Variants in ABCC12 observed in about 807,000 individuals in gnomAD.
ABCC12 encodes the protein ATP-binding cassette sub-family C member 12.
A neutral mutation model predicts 151.1 loss-of-function variants in ABCC12; 142 were observed. That is an observed-to-expected ratio of 0.94 (90% CI 0.82 to 1.08). ABCC12 has a LOEUF of 1.08. Among genes scored for constraint, ABCC12 ranks in the 50% least tolerant of loss-of-function variants. The probability of loss-of-function intolerance (pLI) is 0.00; values close to 1 mark genes in which losing one functional copy is unlikely to be tolerated. For synonymous variants in ABCC12, 645 were observed against 646.4 expected (o/e 1.00, Z 0.03); for missense variants, 1,638 against 1,691.1 (o/e 0.97, Z 0.55).
chr16:48,107,191 C>A, intron 20 of ABCC12, 131 bp downstream of exon 20: 1 of 865,270 alleles, frequency 1.2e-6, no homozygotes, highest in Non-Finnish European at 1.9e-6. Context: ...ATCTGACTCC[C>A]ACTTCTTGAA....
At chr16:48,107,114 T>G (rs1362872552) in intron 20 of ABCC12, among the ~76,000 whole-genome samples, 1 of 152,090 alleles carries the variant, frequency 6.6e-6, no homozygotes, top group Non-Finnish European at 1.5e-5. Flanking sequence ...CTGAAAGTGG[T>G]GTCTATACCC....
chr16:48,116,756 A>G (rs77779930), intron 14 of ABCC12, among the ~76,000 whole-genome samples: 1,628 of 152,236 alleles, frequency 0.011, 35 homozygotes, highest in African/African-American at 0.037. Flanking sequence ...TTGTGCAGAG[A>G]GCACAAGAAG....
At chr16:48,113,183 T>G (rs921691088) in intron 15 of ABCC12, among the ~76,000 whole-genome samples, 1 of 152,172 alleles carries the variant, frequency 6.6e-6, no homozygotes, top group African/African-American at 2.4e-5. Context: ...CTGTGTTCGG[T>G]CATTGTACAC....
intron 5 of ABCC12, 77 bp downstream of exon 5, chr16:48,141,129 C>G (rs1003306230): frequency 1.3e-6 from 2 of 1,566,958 alleles, no homozygotes; most frequent in African/African-American, 2.7e-5. Flanking sequence ...CCCACCAGCT[C>G]GTAGAGAAAG....
At chr16:48,085,508 C>A in intron 29 of ABCC12, 85 bp downstream of exon 29, 1 of 1,128,488 alleles carries the variant, frequency 8.9e-7, no homozygotes, top group Non-Finnish European at 1.3e-6. Flanking sequence ...TGCTGAAAGA[C>A]ATACACGTGG....
intron 11 of ABCC12, among the ~76,000 whole-genome samples, chr16:48,127,240 A>C (rs1275268677): frequency 6.6e-6 from 1 of 151,852 alleles, no homozygotes; most frequent in Non-Finnish European, 1.5e-5. Context: ...GAGAGATTAA[A>C]ATACCAGGCA....
intron 11 of ABCC12, among the ~76,000 whole-genome samples, chr16:48,125,793 T>A (rs1964219948): frequency 6.6e-6 from 1 of 151,276 alleles, no homozygotes; most frequent in Admixed American, 6.6e-5. Context: ...CACATGAGAG[T>A]CGCTGCCTGT....
In ABCC12 at chr16:48,138,284, C is replaced by T. The variant is rs377125889; in HGVS notation, c.923G>A (p.Cys308Tyr). The change falls in exon 8 of 31, where the codon TGC becomes TAC. Residue 308 changes from cysteine to tyrosine, a missense_variant. Transcript: ENST00000311303. ...GGCATACATTTTGATCAGCCTGATG[C>T]AGGTCAGAAACTCATTCATTGTCTG... is the stretch of plus-strand genomic sequence containing the variant. ...RVQTMNEFLT[C>Y]IRLIKMYAWE... 6.2e-7 allele frequency: 1 copy of T among 1,613,822 alleles called. No homozygotes were observed. The highest frequency in any genetic ancestry group is 8.5e-7 in the Non-Finnish European group (1 of 1,179,756).
At chr16:48,093,210 C>T (rs1389916406) in intron 24 of ABCC12, among the ~76,000 whole-genome samples, 1 of 152,178 alleles carries the variant, frequency 6.6e-6, no homozygotes, top group African/African-American at 2.4e-5. Context: ...CCCACAGTGC[C>T]ATGGTTGAGA....
At chr16:48,128,932 T>A (rs1964331579) in intron 10 of ABCC12, among the ~76,000 whole-genome samples, 195 bp from the exon 11 acceptor site, 1 of 152,234 alleles carries the variant, frequency 6.6e-6, no homozygotes, top group Admixed American at 6.5e-5. Flanking sequence ...TCTGGGACAG[T>A]TGCCTCTTTA....
chr16:48,146,120 C>T (rs958647404), intron 3 of ABCC12, among the ~76,000 whole-genome samples, 186 bp downstream of exon 3: 4 of 152,232 alleles, frequency 2.6e-5, no homozygotes, highest in Non-Finnish European at 4.4e-5. Flanking sequence ...GCCTCCTTTT[C>T]ACCAAAGGAC....
Position 48,084,001 on chromosome 16 carries a change from C to A in ABCC12, c.3901G>T (p.Asp1301Tyr). 1 of 1,612,738 alleles carries A rather than the reference C, an allele frequency of 6.2e-7. No homozygotes were observed. The highest frequency in any genetic ancestry group is 8.5e-7 in the Non-Finnish European group (1 of 1,179,742). The change falls in exon 30 of 31, where the codon GAT becomes TAT. Residue 1301 changes from aspartate to tyrosine, a missense_variant. Coordinates refer to ENST00000311303, the MANE Select transcript of ABCC12 (RefSeq NM_001393797.1). Reference sequence around the variant, plus strand: ...AGCACAGTGCAGCCCTTGAAGGCATCTTTGATGGTGTTCTGAACCAGGGTG... The same window carrying A: ...AGCACAGTGCAGCCCTTGAAGGCATATTTGATGGTGTTCTGAACCAGGGTG... Reference protein sequence around the residue: ...TDTLVQNTIKDAFKGCTVLTI... With the variant: ...TDTLVQNTIKYAFKGCTVLTI...
chr16:48,105,556 G>A (rs1347010189), intron 20 of ABCC12, among the ~76,000 whole-genome samples: 1 of 152,176 alleles, frequency 6.6e-6, no homozygotes, highest in African/African-American at 2.4e-5. Flanking sequence ...CACCTGACTT[G>A]TGAGCTCAGC....
rs370623509 is a variant in ABCC12, at chr16:48,100,958, C to T, written c.2952G>A (p.Arg984=). 2 of 1,614,064 alleles carry T rather than the reference C, an allele frequency of 1.2e-6. No individual in the cohort carries two copies. The highest frequency in any genetic ancestry group is 1.3e-5 in the African/African-American group (1 of 74,920). ...AGGTGATGTGGGTGAACCAGGGTGA[C>T]CGGCTGACATTCTCCACCTTCTTGA... ...QELKKVENVS[R]SPWFTHITSS... is the part of the protein sequence containing the mutation. The change falls in exon 23 of 31, where the codon CGG becomes CGA. Residue 984 remains arginine, a synonymous_variant. Transcript: ENST00000311303.
At chr16:48,127,383 C>T (rs1201433089) in intron 11 of ABCC12, among the ~76,000 whole-genome samples, 1 of 152,180 alleles carries the variant, frequency 6.6e-6, no homozygotes. Flanking sequence ...AAACCCACAG[C>T]GTTGCCTGAA....
chr16:48,082,161 C>T lies in ABCC12; in HGVS notation c.*1554G>A, dbSNP rs1395363329. The stretch of plus-strand genomic sequence containing the variant: ...GGCCTGGAGCTGCCCACAGAAGGAA[C>T]CCCCTGGCTCACGTCCTTCTCAGCC... On this transcript the variant is annotated 3_prime_UTR_variant, in exon 31 of 31. Coordinates refer to ENST00000311303, the MANE Select transcript of ABCC12 (RefSeq NM_001393797.1). 6.6e-6 allele frequency among the ~76,000 whole-genome samples: 1 copy of T among 152,216 alleles called. No individual in the cohort carries two copies. The highest frequency in any genetic ancestry group is 1.5e-5 in the Non-Finnish European group (1 of 68,024).
chr16:48,141,464 G>T, intron 4 of ABCC12, 111 bp from the exon 5 acceptor site: 1 of 1,401,532 alleles, frequency 7.1e-7, no homozygotes, highest in Non-Finnish European at 9.7e-7. Context: ...CCCCTCCCTG[G>T]CAGTGGTGCC....
intron 15 of ABCC12, 50 bp downstream of exon 15, chr16:48,115,365 C>T: frequency 1.3e-6 from 2 of 1,584,644 alleles, no homozygotes; most frequent in Non-Finnish European, 1.7e-6. Flanking sequence ...AGCATCAGAT[C>T]CCCAGCCACA....
intron 18 of ABCC12, among the ~76,000 whole-genome samples, chr16:48,109,394 T>C (rs1341320777): frequency 2.0e-5 from 3 of 152,216 alleles, no homozygotes; most frequent in Non-Finnish European, 4.4e-5. Context: ...AAAGGGATGC[T>C]GGATAAAGCA....
Sources: gnomAD v4.1 joint callset for allele counts (sites outside exome capture counted in the v4.1 genomes callset) on GRCh38, gnomAD v4.1.1 for gene constraint, MANE v1.5 for transcripts, NCBI Gene and HGNC (gene_info 2026-07-23, HGNC 2026-07-21) for gene names.